The following LIMCH1 variants were observed in gnomAD, a reference collection of about 807,000 sequenced individuals.
LIMCH1 encodes LIM and calponin homology domains 1.
In LIMCH1, 113 loss-of-function variants were observed where a neutral mutation model predicts 176.5. The ratio of observed to expected loss-of-function variants is 0.64; its 90% CI spans 0.55 to 0.75. The LOEUF is 0.75. Among genes scored for constraint, LIMCH1 ranks in the 30% least tolerant of loss-of-function variants. The probability of loss-of-function intolerance (pLI) is 0.00; values close to 1 mark genes in which losing one functional copy is unlikely to be tolerated. For missense variants in LIMCH1, 1,674 were observed against 1,814.9 expected (o/e 0.92, Z 1.41); for synonymous variants, 619 against 645.9 (o/e 0.96, Z 0.63).
At chr4:41,567,162 G>C (rs1486143824) in intron 1 of LIMCH1, among the ~76,000 whole-genome samples, 7 of 152,176 alleles carry the variant, frequency 4.6e-5, no homozygotes, top group Non-Finnish European at 8.8e-5. Flanking sequence ...TGAGGTTAAG[G>C]GGGGGACCTG....
At chr4:41,424,971 T>G (rs1418161031) in intron 1 of LIMCH1, among the ~76,000 whole-genome samples, 1 of 152,174 alleles carries the variant, frequency 6.6e-6, no homozygotes, top group Non-Finnish European at 1.5e-5. Context: ...TGATTAGCCT[T>G]GTCTCTCAAT....
intron 1 of LIMCH1, among the ~76,000 whole-genome samples, chr4:41,403,798 G>T (rs1234136557): frequency 6.6e-6 from 1 of 152,146 alleles, no homozygotes; most frequent in Non-Finnish European, 1.5e-5. Flanking sequence ...GAGAAGAAAA[G>T]TTGTCATTAC....
chr4:41,475,904 G>T (rs1303381029), intron 1 of LIMCH1, among the ~76,000 whole-genome samples: 1 of 152,126 alleles, frequency 6.6e-6, no homozygotes, highest in South Asian at 2.1e-4. Context: ...ACATTAAAAA[G>T]ATTTTTAAAA....
At position 41,599,361 on chromosome 4, in the gene LIMCH1, A is replaced by G. The variant is rs139068894; in HGVS notation, c.-134+335A>G. ...AGACAAAAAACTTTTATTGGCACCAATTGAACATTTGAGTAGGCTCTTGGA... is the reference window on the plus strand; with the variant it reads ...AGACAAAAAACTTTTATTGGCACCAGTTGAACATTTGAGTAGGCTCTTGGA... On this transcript the variant is annotated intron_variant, in intron 2 of 31. Transcript: ENST00000503057. Among the ~76,000 whole-genome samples the G allele has an allele frequency of 5.9e-5, 9 of 152,338 alleles. 1 individual carries two copies. The highest frequency in any genetic ancestry group is 1.9e-4 in the African/African-American group (8 of 41,576).
intron 2 of LIMCH1, among the ~76,000 whole-genome samples, chr4:41,510,398 A>T (rs2074736819): frequency 6.6e-6 from 1 of 152,178 alleles, no homozygotes; most frequent in African/African-American, 2.4e-5. Flanking sequence ...ATTTAAGAGG[A>T]TTTAGTAGCT....
At chr4:41,449,065 C>A (rs1481334282) in intron 1 of LIMCH1, among the ~76,000 whole-genome samples, 1 of 152,068 alleles carries the variant, frequency 6.6e-6, no homozygotes, top group Non-Finnish European at 1.5e-5. Flanking sequence ...TGTGACTCAG[C>A]CTCTGTGGGC....
chr4:41,632,455 G>A (rs2093374504), intron 10 of LIMCH1, among the ~76,000 whole-genome samples: 1 of 152,210 alleles, frequency 6.6e-6, no homozygotes, highest in South Asian at 2.1e-4. Flanking sequence ...GGGGTGGGGA[G>A]GAGGGGGTAG....
intron 1 of LIMCH1, among the ~76,000 whole-genome samples, chr4:41,434,261 G>A (rs2061859802): frequency 1.3e-5 from 2 of 152,178 alleles, no homozygotes; most frequent in Non-Finnish European, 1.5e-5. Flanking sequence ...CACCACTGGA[G>A]GCCAGCCAGT....
intron 18 of LIMCH1, 37 bp from the exon 19 acceptor site, chr4:41,661,383 A>C (rs2094611312): frequency 2.1e-6 from 3 of 1,396,338 alleles, no homozygotes; most frequent in Non-Finnish European, 3.0e-6. Context: ...TTTTAAAGGA[A>C]TCATTTATTC....
intron 2 of LIMCH1, among the ~76,000 whole-genome samples, chr4:41,522,824 G>C (rs1324847621): frequency 2.0e-5 from 3 of 152,118 alleles, no homozygotes; most frequent in Non-Finnish European, 4.4e-5. Flanking sequence ...TGAATAAATT[G>C]CCTTCCAACT....
intron 21 of LIMCH1, among the ~76,000 whole-genome samples, chr4:41,669,132 A>G (rs909506153): frequency 1.3e-5 from 2 of 152,164 alleles, no homozygotes; most frequent in Non-Finnish European, 2.9e-5. Flanking sequence ...TCAAATTTTC[A>G]TGTGTCTAGT....
intron 1 of LIMCH1, among the ~76,000 whole-genome samples, chr4:41,568,102 G>A (rs1023688404): frequency 1.6e-4 from 25 of 152,276 alleles, no homozygotes; most frequent in Admixed American, 3.3e-4. Flanking sequence ...GTAGTGAGCC[G>A]AGATTGCACC....
In LIMCH1 at chr4:41,626,954, T is replaced by G; in HGVS notation, c.972T>G (p.Asp324Glu). 8.5e-6 allele frequency: 13 copies of G among 1,535,568 alleles called. No homozygotes were observed. Among genetic ancestry groups the G allele is most frequent in the Non-Finnish European group, 1.1e-5 (13 of 1,146,820 alleles). Reference protein sequence around the residue: ...PYPKKGAEKSDGSKQLSKGIS... With the variant: ...PYPKKGAEKSEGSKQLSKGIS... The stretch of plus-strand genomic sequence containing the variant: ...CAAAGAAAGGGGCAGAGAAATCAGA[T>G]GGCAGCAAACAGCTCTCAAAGGGAA... Residue 324 changes from aspartate to glutamate, a missense_variant, in exon 8 of 32, where the codon GAT becomes GAG. Asp to Glu is a conservative substitution (Grantham distance 45). Around this residue, in one of 3 missense-constraint regions of LIMCH1, gnomAD observed 655 missense variants for 692.2 expected, o/e 0.95. Transcript: ENST00000503057.
At chr4:41,600,899 C>G (rs1404364067) in intron 2 of LIMCH1, among the ~76,000 whole-genome samples, 1 of 152,104 alleles carries the variant, frequency 6.6e-6, no homozygotes, top group African/African-American at 2.4e-5. Flanking sequence ...AGTTACTGTA[C>G]CATCTTTTTG....
intron 17 of LIMCH1, 118 bp downstream of exon 17, chr4:41,647,011 C>T: frequency 1.0e-6 from 1 of 970,700 alleles, no homozygotes; most frequent in Non-Finnish European, 1.5e-6. Flanking sequence ...AATGTGTTGA[C>T]ATTTACAGCT....
intron 23 of LIMCH1, among the ~76,000 whole-genome samples, chr4:41,677,078 G>T (rs192577467): frequency 6.6e-6 from 1 of 151,728 alleles, no homozygotes; most frequent in East Asian, 1.9e-4. Flanking sequence ...CAGAAGAATC[G>T]CTTGAACTCA....
chr4:41,551,321 G>T (rs1467328813), intron 1 of LIMCH1: 1 of 152,160 alleles, frequency 6.6e-6, no homozygotes, highest in Non-Finnish European at 1.5e-5. Flanking sequence ...CTATTGCTAG[G>T]CTCAGAGATC....
At chr4:41,419,673 CTTCCTTCCTCCTTCCTTCCTTCCTTCCT>C (rs2060393828) in intron 1 of LIMCH1, among the ~76,000 whole-genome samples, 1 of 76,356 alleles carries the variant, frequency 1.3e-5, no homozygotes, top group African/African-American at 6.3e-5. Context: ...TCCTTCCTTC[CTTCCTTCCTCCTTCCTTCCTTCCTTCCT>C]TCCTTCCTTC....
At chr4:41,502,936 CA>C (rs2073577016) in intron 2 of LIMCH1, among the ~76,000 whole-genome samples, 9 of 151,348 alleles carry the variant, frequency 5.9e-5, no homozygotes, top group African/African-American at 2.2e-4. Context: ...CACACACACA[CA>C]CCCCAGGTAC....
Sources: allele counts gnomAD v4.1 joint callset (sites outside exome capture counted in the v4.1 genomes callset), GRCh38; gene constraint gnomAD v4.1.1; regional missense constraint gnomAD v4.1.1; transcripts MANE v1.5; gene names NCBI Gene and HGNC (gene_info 2026-07-23, HGNC 2026-07-21).